Variants in BCL2L14 observed in about 807,000 individuals in gnomAD.
BCL2L14 encodes the protein apoptosis facilitator Bcl-2-like protein 14.
In BCL2L14, 27 loss-of-function variants were observed where a neutral mutation model predicts 35.3. That is an observed-to-expected ratio of 0.76 (90% CI 0.56 to 1.05). BCL2L14 has a LOEUF of 1.05. Ranked by LOEUF, BCL2L14 falls within the 50% of genes least tolerant of loss-of-function variation. The pLI is 0.00. For missense variants in BCL2L14, 377 were observed against 382.6 expected (o/e 0.99, Z 0.12); for synonymous variants, 139 against 145.9 (o/e 0.95, Z 0.34).
Position 12,079,661 on chromosome 12 carries a change from C to T in BCL2L14, c.356C>T (p.Thr119Met), listed in dbSNP as rs149592138. The T allele has an allele frequency of 9.9e-6, 16 of 1,614,074 alleles. No homozygotes were observed. Among genetic ancestry groups the T allele is most frequent in the Admixed American group, 1.7e-5 (1 of 60,000 alleles). The change falls in exon 2 of 6, where the codon ACG becomes ATG. Residue 119 changes from threonine to methionine, a missense_variant. By Grantham distance (81) the Thr-to-Met change is moderately conservative. Coordinates refer to ENST00000308721, the MANE Select transcript of BCL2L14 (RefSeq NM_138723.2). ...AAGGTCTCTGCTCAGGGTCAAAGGA[C>T]GTTGGAATACCAAGATTCGCACAGC... ...PAKVSAQGQR[T>M]LEYQDSHSQQ...
intron 1 of BCL2L14, among the ~76,000 whole-genome samples, chr12:12,074,899 TC>T (rs1460327097): frequency 1.3e-5 from 2 of 152,170 alleles, no homozygotes; most frequent in Non-Finnish European, 2.9e-5. Flanking sequence ...CACCTTGGCC[TC>T]CTAAGGTGGT....
intron 2 of BCL2L14, among the ~76,000 whole-genome samples, chr12:12,063,146 T>C (rs1378859753): frequency 6.6e-6 from 1 of 150,690 alleles, no homozygotes; most frequent in African/African-American, 2.4e-5. Context: ...CTAGTCATAC[T>C]CCTATTCACC....
At chr12:12,071,522 A>G (rs1359993651) in intron 1 of BCL2L14, 3 of 152,144 alleles carry the variant, frequency 2.0e-5, no homozygotes, top group Non-Finnish European at 4.4e-5. Context: ...GCTGGAGACC[A>G]CGAGGATTCA....
At chr12:12,083,820 C>T (rs1045513163) in intron 2 of BCL2L14, among the ~76,000 whole-genome samples, 5 of 152,216 alleles carry the variant, frequency 3.3e-5, no homozygotes, top group Middle Eastern at 3.4e-3. Flanking sequence ...CCATGGTGCG[C>T]GCCTGCAGTC....
chr12:12,091,658 C>T (rs182918734), intron 4 of BCL2L14, among the ~76,000 whole-genome samples: 65 of 152,240 alleles, frequency 4.3e-4, no homozygotes, highest in African/African-American at 1.5e-3. Context: ...CAAAAGTGTG[C>T]CCAGAGGCTG....
rs61739220 is a variant in BCL2L14, at chr12:12,094,859, A to G, written c.874A>G (p.Arg292Gly). ...LTAIDNHPMNRVLGFGTKYLK... is the reference protein window; with the variant it reads ...LTAIDNHPMNGVLGFGTKYLK... Reference sequence around the variant, plus strand: ...AGCTATTGACAACCACCCGATGAACAGGGTCCTGGGCTTTGGCACCAAGTA... The same window carrying G: ...AGCTATTGACAACCACCCGATGAACGGGGTCCTGGGCTTTGGCACCAAGTA... Residue 292 changes from arginine to glycine, a missense_variant, in exon 5 of 6, where the codon AGG (arginine) becomes GGG (glycine). Coordinates refer to ENST00000308721, the MANE Select transcript of BCL2L14 (RefSeq NM_138723.2). 1.2e-6 allele frequency: 2 copies of G among 1,614,052 alleles called. No individual in the cohort carries two copies. Among genetic ancestry groups the G allele is most frequent in the Admixed American group, 1.7e-5 (1 of 60,002 alleles).
chr12:12,087,063 T>G (rs1208007837), intron 2 of BCL2L14, 150 bp from the exon 3 acceptor site: 6 of 848,434 alleles, frequency 7.1e-6, no homozygotes, highest in Non-Finnish European at 1.1e-5. Flanking sequence ...TTTCAGTCCT[T>G]TCTGAAGAAT....
chr12:12,084,252 C>G (rs1212211025), intron 2 of BCL2L14, among the ~76,000 whole-genome samples: 1 of 152,224 alleles, frequency 6.6e-6, no homozygotes, highest in African/African-American at 2.4e-5. Flanking sequence ...AGCCACCGCA[C>G]CCAGCCTTAG....
intron 2 of BCL2L14, among the ~76,000 whole-genome samples, chr12:12,060,622 C>CA (rs1565442738): frequency 5.8e-4 from 29 of 49,860 alleles, no homozygotes; most frequent in African/African-American, 1.0e-3. Flanking sequence ...TAAACCTCAG[C>CA]GTCCAGGCGT....
At chr12:12,078,028 G>A in intron 1 of BCL2L14, 1 of 419,736 alleles carries the variant, frequency 2.4e-6, no homozygotes, top group Non-Finnish European at 4.8e-6. Context: ...TATCTATCCT[G>A]TTATTCGTAT....
intron 2 of BCL2L14, among the ~76,000 whole-genome samples, chr12:12,056,143 A>G (rs1948429710): frequency 6.6e-6 from 1 of 151,960 alleles, no homozygotes; most frequent in Admixed American, 6.6e-5. Context: ...ACAAATCCCC[A>G]TTTGCCTCTG....
In BCL2L14 at chr12:12,094,537, G is replaced by T; in HGVS notation, c.679-127G>T. ...ACACTGCCTTCATCCCCATTCCCTT[G>T]GTTGACACCAGCATCCAGGGTTTTC... On this transcript the variant is annotated intron_variant, in intron 4 of 5. Transcript: ENST00000308721. The T allele has an allele frequency of 6.2e-7, 1 of 1,614,210 alleles. No homozygotes were observed. The highest frequency in any genetic ancestry group is 8.5e-7 in the Non-Finnish European group (1 of 1,180,036).
intron 1 of BCL2L14, among the ~76,000 whole-genome samples, chr12:12,078,799 G>T (rs5796485): frequency 4.9e-4 from 74 of 152,206 alleles, no homozygotes; most frequent in Middle Eastern, 6.8e-3. Flanking sequence ...TTCTCTCTCT[G>T]TTGTTTTTTG....
intron 1 of BCL2L14, among the ~76,000 whole-genome samples, chr12:12,051,413 G>C (rs1374814329): frequency 1.3e-5 from 2 of 152,068 alleles, no homozygotes; most frequent in African/African-American, 4.8e-5. Flanking sequence ...GAATCCCGAG[G>C]GTTCCCCTCT....
chr12:12,089,006 C>G (rs1243485010), intron 3 of BCL2L14, among the ~76,000 whole-genome samples: 1 of 152,248 alleles, frequency 6.6e-6, no homozygotes, highest in African/African-American at 2.4e-5. Flanking sequence ...ATACAGGCAG[C>G]TGTGCCAGCA....
intron 1 of BCL2L14, among the ~76,000 whole-genome samples, chr12:12,050,446 A>AAG (rs1555084678): frequency 1.5e-3 from 91 of 60,720 alleles, no homozygotes; most frequent in African/African-American, 3.6e-3. Context: ...AAAAAAAAAA[A>AAG]AAAGAAAAGA....
intron 5 of BCL2L14, among the ~76,000 whole-genome samples, chr12:12,097,106 C>T (rs1396390623): frequency 6.6e-6 from 1 of 152,076 alleles, no homozygotes; most frequent in African/African-American, 2.4e-5. Flanking sequence ...GATCGCGCCA[C>T]TGCACTCCAG....
intron 1 of BCL2L14, among the ~76,000 whole-genome samples, chr12:12,074,216 C>T (rs2430605): frequency 0.41 from 62,704 of 151,786 alleles, 13,106 homozygotes; most frequent in East Asian, 0.58. Context: ...ATGTGTCTGG[C>T]AGTCCTATAA....
At chr12:12,082,655 C>CA (rs1417142474) in intron 2 of BCL2L14, among the ~76,000 whole-genome samples, 7 of 152,094 alleles carry the variant, frequency 4.6e-5, no homozygotes, top group African/African-American at 9.7e-5. Context: ...AGATTACATT[C>CA]AAAAACACTT....
Sources: allele counts gnomAD v4.1 joint callset (sites outside exome capture counted in the v4.1 genomes callset), GRCh38; gene constraint gnomAD v4.1.1; transcripts MANE v1.5; gene names NCBI Gene and HGNC (gene_info 2026-07-23, HGNC 2026-07-21).